The following RP1 variants were observed in gnomAD, a reference collection of about 807,000 sequenced individuals.
RP1 encodes the protein RP1 axonemal microtubule associated, also known as oxygen-regulated protein 1.
Under a neutral mutation model 14.8 loss-of-function variants are expected in RP1, and 16 were observed. The ratio of observed to expected loss-of-function variants is 1.08; its 90% CI spans 0.73 to 1.65. The LOEUF is 1.65. Ranked by LOEUF, RP1 falls within the 40% of genes most tolerant of loss-of-function variation. The pLI is 0.00. For missense variants in RP1, 2,631 were observed against 2,535.0 expected, an observed-to-expected ratio of 1.04 and a Z score of -0.81; for synonymous variants, 876 against 883.6, an observed-to-expected ratio of 0.99 and a Z score of 0.15.
At chr8:54,658,839 A>T (rs766201887) in intron 6 of RP1, among the ~76,000 whole-genome samples, 7 of 150,646 alleles carry the variant, frequency 4.6e-5, no homozygotes. Flanking sequence ...GGACAATTTT[A>T]CATCCCACAA....
In RP1 at chr8:54,630,538, A is replaced by G; in HGVS notation, c.*185A>G. 1 of 1,396,518 alleles carries G rather than the reference A, an allele frequency of 7.2e-7. No homozygotes were observed. Among genetic ancestry groups the G allele is most frequent in the Non-Finnish European group, 9.3e-7 (1 of 1,080,122 alleles). The allele number at this position is 1,396,518 out of a possible 1,614,324, so 86.5% of individuals were successfully genotyped here. A position where few individuals can be genotyped will look rare whatever the true frequency, so the allele number is the denominator to read the frequency against. Reference sequence around the variant, plus strand: ...AATGTCTCTGTTTTTTGTTTTTCCAACAATTACAGACTCAGGTTCTCTTAT... The same window carrying G: ...AATGTCTCTGTTTTTTGTTTTTCCAGCAATTACAGACTCAGGTTCTCTTAT... On this transcript the variant is annotated 3_prime_UTR_variant, in exon 4 of 4. Transcript: ENST00000220676.
intron 25 of RP1, among the ~76,000 whole-genome samples, chr8:54,841,226 AT>A (rs1267900825): frequency 5.3e-5 from 8 of 152,182 alleles, no homozygotes; most frequent in Non-Finnish European, 1.0e-4. Flanking sequence ...AAGGAAGGAA[AT>A]GTTGACCTTC....
rs151095450 is a variant in RP1 at position 54,741,789 on chromosome 8, T to C, written c.2808+2760T>C. On this transcript the variant is annotated intron_variant, in intron 19 of 22. Transcript: ENST00000636932. Reference sequence around the variant, plus strand: ...TTGCCCTTTTAGTGAAATTGAATCATGCTATGTATGCACTTTGAGATCCTG... The same window carrying C: ...TTGCCCTTTTAGTGAAATTGAATCACGCTATGTATGCACTTTGAGATCCTG... Among the ~76,000 whole-genome samples, 216 of 138,602 alleles carry C rather than the reference T, an allele frequency of 1.6e-3. 3 individuals are homozygous for C. The highest frequency in any genetic ancestry group is 5.3e-3 in the African/African-American group (203 of 38,028). The allele number at this position is 138,602 out of a possible 152,430, so 90.9% of individuals were successfully genotyped here.
In RP1 at chr8:54,630,038, A is replaced by G. The variant is rs752577035; in HGVS notation, c.6156A>G (p.Gln2052=). The G allele has an allele frequency of 2.5e-6, 4 of 1,613,910 alleles. No homozygotes were observed. The highest frequency in any genetic ancestry group is 1.1e-5 in the South Asian group (1 of 91,086). Residue 2052 remains glutamine (Q), a synonymous_variant, in exon 4 of 4, where the codon CAA becomes CAG. Transcript: ENST00000220676. ...LVVGNVDSNT[Q]DLSGQTNEIF... is the part of the protein sequence containing the mutation. ...TGGGTAATGTGGATTCAAATACACA[A>G]GACCTCAGCGGTCAGACAAATGAAA...
At chr8:54,857,741 A>C (rs1692134807) in intron 27 of RP1, among the ~76,000 whole-genome samples, 1 of 151,954 alleles carries the variant, frequency 6.6e-6, no homozygotes, top group African/African-American at 2.4e-5. Context: ...TGGGTCCCTT[A>C]TCCCACACTC....
rs147853812 is a variant in RP1, at chr8:54,579,384, G to C, written c.-13+20064G>C. On this transcript the variant is annotated intron_variant, in intron 1 of 22. Coordinates refer to the RP1 transcript ENST00000636932. ...CTGAAATGCAGGATTAATTCTGAAG[G>C]CTGAAGAGCTGGAAGTATTAATGAC... 3.5e-3 allele frequency among the ~76,000 whole-genome samples: 530 copies of C among 152,302 alleles called. 2 individuals are homozygous for C. The highest frequency in any genetic ancestry group is 5.1e-3 in the Non-Finnish European group (344 of 68,026).
At chr8:54,735,549 A>T (rs1333912968) in intron 18 of RP1, among the ~76,000 whole-genome samples, 1 of 152,202 alleles carries the variant, frequency 6.6e-6, no homozygotes, top group Non-Finnish European at 1.5e-5. Context: ...CCAGGAACCC[A>T]AGGCTATTTG....
intron 25 of RP1, among the ~76,000 whole-genome samples, chr8:54,843,996 T>A (rs1041555944): frequency 6.6e-6 from 1 of 152,228 alleles, no homozygotes; most frequent in Admixed American, 6.5e-5. Context: ...TGACTAACAA[T>A]ATTGTGTGCT....
chr8:54,718,697 C>T (rs934598916), intron 15 of RP1, among the ~76,000 whole-genome samples: 2 of 152,140 alleles, frequency 1.3e-5, no homozygotes, highest in Non-Finnish European at 2.9e-5. Context: ...CATGAAAAGA[C>T]ATTGAGGAAA....
At chr8:54,834,725 T>C (rs1811618025) in intron 24 of RP1, among the ~76,000 whole-genome samples, 1 of 151,888 alleles carries the variant, frequency 6.6e-6, no homozygotes, top group Non-Finnish European at 1.5e-5. Context: ...ACCCTAATAA[T>C]TTTTAGTGTT....
chr8:54,859,978 C>T (rs1008130839), intron 27 of RP1, among the ~76,000 whole-genome samples: 1 of 152,102 alleles, frequency 6.6e-6, no homozygotes, highest in Admixed American at 6.6e-5. Context: ...AACATCCAAC[C>T]CACATCCTAA....
intron 24 of RP1, among the ~76,000 whole-genome samples, chr8:54,800,337 G>A (rs986415775): frequency 6.6e-6 from 1 of 150,962 alleles, no homozygotes; most frequent in Non-Finnish European, 1.5e-5. Flanking sequence ...TGTGTGTATG[G>A]GTGTGTGTGT....
chr8:54,829,755 A>G (rs1167273112), intron 24 of RP1, among the ~76,000 whole-genome samples: 1 of 152,186 alleles, frequency 6.6e-6, no homozygotes, highest in African/African-American at 2.4e-5. Flanking sequence ...ATAAATAAGC[A>G]GAGAGACTTT....
At chr8:54,775,810 T>G (rs1373866032) in intron 23 of RP1, among the ~76,000 whole-genome samples, 1 of 152,230 alleles carries the variant, frequency 6.6e-6, no homozygotes. Flanking sequence ...AGGTCAAGAC[T>G]TGGATTCTAA....
At chr8:54,828,125 C>T (rs1811430040) in intron 24 of RP1, among the ~76,000 whole-genome samples, 2 of 152,106 alleles carry the variant, frequency 1.3e-5, no homozygotes, top group Non-Finnish European at 1.5e-5. Flanking sequence ...CCTGAAGGAC[C>T]TGCCTGAGGC....
At chr8:54,599,778 A>C (rs1805232604) in intron 1 of RP1, among the ~76,000 whole-genome samples, 1 of 152,126 alleles carries the variant, frequency 6.6e-6, no homozygotes, top group Non-Finnish European at 1.5e-5. Flanking sequence ...ATTCAAGTTG[A>C]GATTTTCCTT....
In RP1 at chr8:54,627,327, G is replaced by A. The variant is rs1178091925; in HGVS notation, c.3445G>A (p.Asp1149Asn). ...KGSMNSFCQVDAHKATNKSSE... is the reference protein window; with the variant it reads ...KGSMNSFCQVNAHKATNKSSE... The stretch of plus-strand genomic sequence containing the variant: ...AAGTATGAATAGCTTCTGTCAAGTT[G>A]ATGCTCACAAGGCTACCAACAAATC... The change falls in exon 4 of 4, where the codon GAT becomes AAT. Residue 1149 changes from aspartate (D) to asparagine (N), a missense_variant. Transcript: ENST00000220676. 6.2e-7 allele frequency: 1 copy of A among 1,614,148 alleles called. No homozygotes were observed. The highest frequency in any genetic ancestry group is 1.3e-5 in the African/African-American group (1 of 75,066).
chr8:54,568,988 G>C (rs1258571253), intron 1 of RP1, among the ~76,000 whole-genome samples: 1 of 152,202 alleles, frequency 6.6e-6, no homozygotes, highest in African/African-American at 2.4e-5. Flanking sequence ...GGGTTGCTGT[G>C]AGGATTTTTA....
At chr8:54,787,964 TTATAA>T (rs1368884264) in intron 24 of RP1, among the ~76,000 whole-genome samples, 2 of 152,316 alleles carry the variant, frequency 1.3e-5, no homozygotes, top group East Asian at 1.9e-4. Context: ...CAACAATACT[TTATAA>T]TATAACTATG....
Sources: allele counts gnomAD v4.1 joint callset (sites outside exome capture counted in the v4.1 genomes callset), GRCh38; gene constraint gnomAD v4.1.1; transcripts MANE v1.5; gene names NCBI Gene and HGNC (gene_info 2026-07-23, HGNC 2026-07-21).